IREB2: variants seen among roughly 807,000 people sequenced by gnomAD.
The protein encoded by IREB2 is iron-responsive element-binding protein 2.
In IREB2, 39 loss-of-function variants were observed where a neutral mutation model predicts 118.8. The ratio of observed to expected loss-of-function variants is 0.33; its 90% CI spans 0.25 to 0.43. The LOEUF (loss-of-function observed/expected upper bound fraction) is 0.43. IREB2 is among the 20% of genes least tolerant of loss of function. IREB2 has a pLI of 1.00. For synonymous variants in IREB2, 372 were observed against 392.2 expected, an observed-to-expected ratio of 0.95 and a Z score of 0.61; for missense variants, 900 against 1,147.3, an observed-to-expected ratio of 0.78 and a Z score of 3.11.
intron 16 of IREB2, 61 bp downstream of exon 16, chr15:78,488,832 A>G (rs548847188): frequency 4.8e-5 from 47 of 983,234 alleles, no homozygotes; most frequent in African/African-American, 3.5e-4. Context: ...TTTATTTCAT[A>G]TATCTTCTGA....
chr15:78,465,534 T>C (rs1373995520), intron 4 of IREB2, 146 bp downstream of exon 4: 2 of 713,114 alleles, frequency 2.8e-6, no homozygotes, highest in African/African-American at 3.6e-5. Flanking sequence ...CTAAAACTGG[T>C]GAAAAGTTTA....
At chr15:78,486,258 T>C (rs2051657452) in intron 13 of IREB2, among the ~76,000 whole-genome samples, 1 of 152,228 alleles carries the variant, frequency 6.6e-6, no homozygotes, top group African/African-American at 2.4e-5. Context: ...TTTATGAGGT[T>C]ATTGGGTCTA....
chr15:78,471,870 G>C lies in IREB2; in HGVS notation c.829G>C (p.Val277Leu). The C allele has an allele frequency of 6.2e-7, 1 of 1,613,250 alleles. No individual in the cohort carries two copies. The highest frequency in any genetic ancestry group is 8.5e-7 in the Non-Finnish European group (1 of 1,179,614). ...AGACCTCCTCTTCCCAGACAGTGTA[G>C]TCGGCACAGATTCACACATAACGAT... ...EKDLLFPDSV[V>L]GTDSHITMVN... The change falls in exon 7 of 22, where the codon GTC becomes CTC. Residue 277 changes from valine to leucine, a missense_variant. By Grantham distance (32) the Val-to-Leu change is conservative. Coordinates refer to ENST00000258886, the MANE Select transcript of IREB2 (RefSeq NM_004136.4).
chr15:78,461,824 G>A (rs550920090), intron 2 of IREB2, among the ~76,000 whole-genome samples: 1 of 152,126 alleles, frequency 6.6e-6, no homozygotes, highest in Admixed American at 6.5e-5. Context: ...TTTTTTGCTT[G>A]CTGCTTGTTA....
intron 2 of IREB2, among the ~76,000 whole-genome samples, chr15:78,457,190 A>G (rs558289758): frequency 5.3e-5 from 8 of 152,264 alleles, no homozygotes; most frequent in Non-Finnish European, 1.5e-5. Context: ...CAAAAGAACT[A>G]AATTCCTCCT....
At chr15:78,495,005 T>C (rs569503786) in intron 20 of IREB2, among the ~76,000 whole-genome samples, 1 of 152,234 alleles carries the variant, frequency 6.6e-6, no homozygotes, top group Non-Finnish European at 1.5e-5. Context: ...GGTGCCTGGC[T>C]GTCTGCCAGG....
At chr15:78,465,494 C>A in intron 4 of IREB2, 106 bp downstream of exon 4, 1 of 1,092,912 alleles carries the variant, frequency 9.1e-7, no homozygotes, top group Non-Finnish European at 1.3e-6. Flanking sequence ...GAAAAGTATG[C>A]TAAATTTAGT....
rs773625494 is a variant in IREB2, at chr15:78,438,314, G to T, written c.-24G>T. On this transcript the variant is annotated 5_prime_UTR_variant, in exon 1 of 22. Coordinates refer to ENST00000258886, the MANE Select transcript of IREB2 (RefSeq NM_004136.4). ...TTCTTCCCCCGCTGGCCCCCTCCCC[G>T]GAGGGATAATATGGTCTCCGGCGAT... 2.4e-5 allele frequency: 38 copies of T among 1,572,938 alleles called. No individual in the cohort carries two copies. The highest frequency in any genetic ancestry group is 3.1e-5 in the Non-Finnish European group (36 of 1,158,646).
rs1468357368 is a variant in IREB2, at chr15:78,438,310, C to A, written c.-28C>A. 2 of 1,578,748 alleles carry A rather than the reference C, an allele frequency of 1.3e-6. No homozygotes were observed. The highest frequency in any genetic ancestry group is 3.7e-5 in the Admixed American group (2 of 53,930). On this transcript the variant is annotated 5_prime_UTR_variant, in exon 1 of 22. Coordinates refer to ENST00000258886, the MANE Select transcript of IREB2 (RefSeq NM_004136.4). Reference sequence around the variant, plus strand: ...CCCCTTCTTCCCCCGCTGGCCCCCTCCCCGGAGGGATAATATGGTCTCCGG... The same window carrying A: ...CCCCTTCTTCCCCCGCTGGCCCCCTACCCGGAGGGATAATATGGTCTCCGG...
At chr15:78,477,021 A>G (rs578077452) in intron 9 of IREB2, among the ~76,000 whole-genome samples, 1 of 152,332 alleles carries the variant, frequency 6.6e-6, no homozygotes, top group South Asian at 2.1e-4. Context: ...TTTGGAGGAT[A>G]TATTCTAGTA....
intron 3 of IREB2, among the ~76,000 whole-genome samples, chr15:78,463,557 C>T (rs775139740): frequency 1.3e-5 from 2 of 151,496 alleles, no homozygotes; most frequent in Non-Finnish European, 2.9e-5. Context: ...AAAAATTTTG[C>T]CCTTTCTAAA....
At chr15:78,455,416 G>A (rs960228874) in intron 2 of IREB2, among the ~76,000 whole-genome samples, 2 of 152,084 alleles carry the variant, frequency 1.3e-5, no homozygotes, top group African/African-American at 4.8e-5. Flanking sequence ...AAGTGGGGAC[G>A]TAGAATTAAT....
intron 2 of IREB2, among the ~76,000 whole-genome samples, chr15:78,457,863 T>C (rs1193314365): frequency 1.3e-5 from 2 of 152,194 alleles, no homozygotes; most frequent in Non-Finnish European, 2.9e-5. Flanking sequence ...TGTGATAATA[T>C]TTTCCTTCTC....
At chr15:78,489,646 C>G (rs1394640141) in intron 16 of IREB2, among the ~76,000 whole-genome samples, 1 of 151,964 alleles carries the variant, frequency 6.6e-6, no homozygotes, top group Middle Eastern at 3.2e-3. Context: ...TCCTGAGTAG[C>G]TGGGGCCACA....
intron 5 of IREB2, among the ~76,000 whole-genome samples, chr15:78,468,729 A>C (rs1391623435): frequency 6.6e-6 from 1 of 152,118 alleles, no homozygotes; most frequent in Admixed American, 6.5e-5. Context: ...ATTGGGCTTA[A>C]TATTTTTATG....
intron 5 of IREB2, among the ~76,000 whole-genome samples, chr15:78,467,638 C>T (rs1190389575): frequency 2.0e-5 from 3 of 151,590 alleles, no homozygotes; most frequent in Non-Finnish European, 4.4e-5. Context: ...CACAGTGAGC[C>T]GAGATCACGC....
chr15:78,447,771 C>T (rs1440505888), intron 2 of IREB2, among the ~76,000 whole-genome samples: 1 of 152,006 alleles, frequency 6.6e-6, no homozygotes, highest in East Asian at 1.9e-4. Context: ...TTTTCTTTTT[C>T]TCTTGGTTCT....
intron 10 of IREB2, chr15:78,481,911 A>T (rs1310944801): frequency 1.3e-5 from 2 of 152,258 alleles, no homozygotes; most frequent in Admixed American, 6.5e-5. Context: ...ATGGATATTT[A>T]TGGGCAAAGA....
chr15:78,491,274 A>G (rs2051745431), intron 18 of IREB2, among the ~76,000 whole-genome samples: 1 of 152,156 alleles, frequency 6.6e-6, no homozygotes, highest in Non-Finnish European at 1.5e-5. Flanking sequence ...AAGGCCATTT[A>G]TATTGGAGAT....
Sources: allele counts gnomAD v4.1 joint callset (sites outside exome capture counted in the v4.1 genomes callset), GRCh38; gene constraint gnomAD v4.1.1; transcripts MANE v1.5; gene names NCBI Gene and HGNC (gene_info 2026-07-23, HGNC 2026-07-21).